Variants in RDX observed in about 807,000 individuals in gnomAD.
RDX encodes deafness, autosomal recessive 24.
In RDX, 32 loss-of-function variants were observed where a neutral mutation model predicts 83.7. That is an observed-to-expected ratio of 0.38 (90% CI 0.29 to 0.51). The LOEUF is 0.51. Among genes scored for constraint, RDX ranks in the 20% least tolerant of loss-of-function variants. The pLI, the probability that RDX is intolerant of heterozygous loss-of-function variation, is 0.87. For synonymous variants in RDX, 229 were observed against 222.7 expected (o/e 1.03, Z -0.25); for missense variants, 600 against 689.9 (o/e 0.87, Z 1.46).
intron 15 of RDX, among the ~76,000 whole-genome samples, chr11:110,176,990 C>T (rs776155514): frequency 1.3e-5 from 2 of 152,240 alleles, no homozygotes; most frequent in African/African-American, 4.8e-5. Flanking sequence ...CCTCCCCTTC[C>T]ACCGTGACTG....
At chr11:110,292,763 G>A (rs1028526580) in intron 1 of RDX, among the ~76,000 whole-genome samples, 2 of 151,958 alleles carry the variant, frequency 1.3e-5, no homozygotes, top group South Asian at 4.1e-4. Context: ...TAATCTTAGA[G>A]AAAATAAACA....
At chr11:110,190,527 A>G (rs1167257225) in intron 15 of RDX, among the ~76,000 whole-genome samples, 3 of 152,190 alleles carry the variant, frequency 2.0e-5, no homozygotes, top group Admixed American at 6.6e-5. Context: ...CTAACATGAT[A>G]CCTACAGGAA....
intron 1 of RDX, among the ~76,000 whole-genome samples, chr11:110,287,802 A>T (rs1325461219): frequency 2.0e-5 from 3 of 152,174 alleles, no homozygotes; most frequent in Non-Finnish European, 4.4e-5. Context: ...CATTCTTCTA[A>T]AAAAGAAATT....
At chr11:110,296,290 G>A (rs976930956) in intron 1 of RDX, among the ~76,000 whole-genome samples, 177 bp downstream of exon 1, 1 of 151,978 alleles carries the variant, frequency 6.6e-6, no homozygotes, top group African/African-American at 2.4e-5. Flanking sequence ...GAGCCTGGCC[G>A]GCCGGGCCGT....
At chr11:110,289,047 G>A (rs1032065501) in intron 1 of RDX, among the ~76,000 whole-genome samples, 2 of 151,968 alleles carry the variant, frequency 1.3e-5, no homozygotes, top group African/African-American at 4.8e-5. Context: ...AGACCAGCCT[G>A]ACCAACATGG....
At chr11:110,222,449 C>T (rs751608582) in intron 14 of RDX, among the ~76,000 whole-genome samples, 15 of 152,046 alleles carry the variant, frequency 9.9e-5, no homozygotes, top group East Asian at 1.9e-4. Flanking sequence ...TTGTCTGGTA[C>T]GAACATTTTA....
At chr11:110,284,233 G>A (rs1413404045) in intron 1 of RDX, among the ~76,000 whole-genome samples, 1 of 152,134 alleles carries the variant, frequency 6.6e-6, no homozygotes, top group African/African-American at 2.4e-5. Context: ...GTGAAATTCT[G>A]CTTTTGTAAT....
intron 8 of RDX, among the ~76,000 whole-genome samples, chr11:110,254,823 C>T (rs1335666075): frequency 6.6e-6 from 1 of 152,006 alleles, no homozygotes; most frequent in Non-Finnish European, 1.5e-5. Context: ...GGTTAGGATA[C>T]TAGAGTATAC....
chr11:110,175,804 C>T lies in RDX; in HGVS notation c.*32-570G>A, dbSNP rs528434578. Among the ~76,000 whole-genome samples the T allele has an allele frequency of 2.0e-5, 3 of 152,360 alleles. No individual in the cohort carries two copies. The South Asian group carries it at 6.2e-4, about 32-fold the overall frequency. ...ACTACATGAAAAGCTATTCAGTAAA[C>T]TCTGGAGGAGATTTATGGGTTTGCT... On this transcript the variant is annotated intron_variant, in intron 15 of 15. Transcript: ENST00000528498.
At chr11:110,222,034 A>C (rs1184465696) in intron 14 of RDX, among the ~76,000 whole-genome samples, 1 of 152,198 alleles carries the variant, frequency 6.6e-6, no homozygotes, top group East Asian at 1.9e-4. Context: ...TATATGTCTT[A>C]TTTCATGGAA....
chr11:110,204,500 C>CT lies in RDX; in HGVS notation c.1749-4823dup, dbSNP rs796373402. On this transcript the variant is annotated intron_variant, in intron 14 of 15. Coordinates refer to the RDX transcript ENST00000528498. ...TGTACAGCTGTAATTACTTTTCTTT[C>CT]TTTTTTTTTTTTCCTTTTTTTTTTT... Among the ~76,000 whole-genome samples, 386 of 120,782 alleles carry CT rather than the reference C, an allele frequency of 3.2e-3. 12 individuals carry two copies. The East Asian group carries it at 0.052, about 16-fold the overall frequency. 79.2% of individuals were successfully genotyped at this position (120,782 alleles called of 152,430 possible). A position where few individuals can be genotyped will look rare whatever the true frequency, so the allele number is the denominator to read the frequency against.
chr11:110,292,150 G>A (rs552031583), intron 1 of RDX, among the ~76,000 whole-genome samples: 2 of 152,162 alleles, frequency 1.3e-5, no homozygotes, highest in East Asian at 1.9e-4. Flanking sequence ...AAAATTAGCC[G>A]GGCCTGGTGG....
intron 10 of RDX, among the ~76,000 whole-genome samples, chr11:110,239,728 A>ATT (rs761563840): frequency 6.6e-5 from 10 of 152,004 alleles, no homozygotes; most frequent in Non-Finnish European, 1.2e-4. Flanking sequence ...ATTTACAAAA[A>ATT]TTAGCTGGGC....
At chr11:110,264,671 A>AT (rs1402805833) in intron 4 of RDX, 108 bp downstream of exon 4, 2 of 740,646 alleles carry the variant, frequency 2.7e-6, no homozygotes, top group Non-Finnish European at 4.5e-6. Context: ...TGATTAACAG[A>AT]TAACTACAAA....
intron 15 of RDX, among the ~76,000 whole-genome samples, chr11:110,194,842 T>G (rs1863169924): frequency 6.6e-6 from 1 of 152,236 alleles, no homozygotes; most frequent in Admixed American, 6.5e-5. Flanking sequence ...TGGAAAATCC[T>G]ATGTCATGTT....
chr11:110,219,192 C>T (rs1864161343), intron 14 of RDX, among the ~76,000 whole-genome samples: 1 of 152,108 alleles, frequency 6.6e-6, no homozygotes, highest in Non-Finnish European at 1.5e-5. Flanking sequence ...TGAATCATAA[C>T]AATATCTGGG....
At chr11:110,218,849 T>C (rs937379342) in intron 14 of RDX, among the ~76,000 whole-genome samples, 8 of 152,190 alleles carry the variant, frequency 5.3e-5, no homozygotes, top group Non-Finnish European at 1.2e-4. Flanking sequence ...TAAGATCAGG[T>C]GCCTTCCTTC....
chr11:110,285,217 T>C (rs1437553038), intron 1 of RDX, among the ~76,000 whole-genome samples: 4 of 150,992 alleles, frequency 2.6e-5, no homozygotes, highest in Admixed American at 2.6e-4. Flanking sequence ...TGAAACCCGG[T>C]CTCTACTAAA....
At chr11:110,197,783 A>T (rs1863254609) in intron 15 of RDX, among the ~76,000 whole-genome samples, 1 of 152,252 alleles carries the variant, frequency 6.6e-6, no homozygotes, top group Admixed American at 6.5e-5. Context: ...TCTATGGCAC[A>T]TTAAGAATGT....
Sources: gnomAD v4.1 joint callset for allele counts (sites outside exome capture counted in the v4.1 genomes callset) on GRCh38, gnomAD v4.1.1 for gene constraint, MANE v1.5 for transcripts, NCBI Gene and HGNC (gene_info 2026-07-23, HGNC 2026-07-21) for gene names.